The following ULK4 variants were observed in gnomAD, a reference collection of about 807,000 sequenced individuals.
The protein encoded by ULK4 is inactive serine/threonine-protein kinase ULK4.
A neutral mutation model predicts 160.6 loss-of-function variants in ULK4; 133 were observed. The ratio of observed to expected loss-of-function variants is 0.83; its 90% CI spans 0.72 to 0.96. ULK4 has a LOEUF of 0.96. Ranked by LOEUF, ULK4 falls within the 40% of genes least tolerant of loss-of-function variation. The pLI is 0.00. For synonymous variants in ULK4, 534 were observed against 539.8 expected, an observed-to-expected ratio of 0.99 and a Z score of 0.15; for missense variants, 1,580 against 1,499.5, an observed-to-expected ratio of 1.05 and a Z score of -0.89.
At chr3:41,346,179 T>C (rs1043756221) in intron 35 of ULK4, among the ~76,000 whole-genome samples, 5 of 151,924 alleles carry the variant, frequency 3.3e-5, no homozygotes, top group Non-Finnish European at 4.4e-5. Context: ...CAGGGCAGTA[T>C]GGAGCTTTCA....
intron 22 of ULK4, among the ~76,000 whole-genome samples, chr3:41,735,715 T>C (rs964458981): frequency 6.7e-6 from 1 of 150,300 alleles, no homozygotes; most frequent in Non-Finnish European, 1.5e-5. Context: ...ATTATTATTA[T>C]ACTTTAAGTT....
intron 33 of ULK4, among the ~76,000 whole-genome samples, chr3:41,460,502 T>G (rs1019304316): frequency 7.9e-5 from 12 of 152,314 alleles, no homozygotes; most frequent in African/African-American, 2.9e-4. Flanking sequence ...GTAAGCTTCC[T>G]GAGAGCTAAC....
intron 21 of ULK4, among the ~76,000 whole-genome samples, chr3:41,780,566 G>A (rs575931335): frequency 6.6e-6 from 1 of 152,122 alleles, no homozygotes; most frequent in East Asian, 1.9e-4. Flanking sequence ...TCCTGCTGGA[G>A]TCCTTGCAGC....
At chr3:41,869,151 G>C (rs946090835) in intron 17 of ULK4, 1 of 151,720 alleles carries the variant, frequency 6.6e-6, no homozygotes, top group African/African-American at 2.4e-5. Flanking sequence ...TTGTTTTTCA[G>C]GGTTTTTTTT....
chr3:41,309,285 C>T (rs1034942495), intron 35 of ULK4, among the ~76,000 whole-genome samples: 3 of 151,776 alleles, frequency 2.0e-5, no homozygotes, highest in African/African-American at 7.3e-5. Context: ...CATGAAACAT[C>T]TAGAAACACT....
chr3:41,296,603 G>A (rs1273472559), intron 35 of ULK4, among the ~76,000 whole-genome samples: 1 of 152,152 alleles, frequency 6.6e-6, no homozygotes, highest in Non-Finnish European at 1.5e-5. Flanking sequence ...AGAGGCCTTT[G>A]GTGGGAGGTG....
intron 35 of ULK4, among the ~76,000 whole-genome samples, chr3:41,355,399 T>A (rs952293404): frequency 2.0e-5 from 3 of 152,166 alleles, no homozygotes; most frequent in Non-Finnish European, 4.4e-5. Flanking sequence ...TACTTATAGA[T>A]CAATTATTGT....
intron 14 of ULK4, among the ~76,000 whole-genome samples, chr3:41,898,086 A>T (rs1009831979): frequency 1.7e-4 from 26 of 152,110 alleles, no homozygotes; most frequent in African/African-American, 5.8e-4. Flanking sequence ...TGTTGTCCCC[A>T]ACCCTGTGCA....
intron 31 of ULK4, among the ~76,000 whole-genome samples, chr3:41,570,320 T>C (rs1276846350): frequency 2.0e-5 from 3 of 152,232 alleles, no homozygotes; most frequent in Non-Finnish European, 4.4e-5. Flanking sequence ...TTTTAATGTT[T>C]CACTGACACC....
chr3:41,689,933 A>G (rs2036229900), intron 27 of ULK4, among the ~76,000 whole-genome samples: 1 of 148,990 alleles, frequency 6.7e-6, no homozygotes, highest in South Asian at 2.1e-4. Context: ...CAGCCATCCC[A>G]TTACTGGGTA....
At chr3:41,875,930 T>C (rs1170269622) in intron 17 of ULK4, among the ~76,000 whole-genome samples, 1 of 139,582 alleles carries the variant, frequency 7.2e-6, no homozygotes, top group Non-Finnish European at 1.5e-5. Context: ...AGTTCAAATA[T>C]GAAGTACCCA....
intron 30 of ULK4, among the ~76,000 whole-genome samples, chr3:41,661,302 A>G (rs1032545287): frequency 1.3e-5 from 2 of 152,204 alleles, no homozygotes; most frequent in Non-Finnish European, 2.9e-5. Flanking sequence ...TTGATAAGTG[A>G]AAAAGCAAAC....
At chr3:41,617,053 T>C (rs2033010342) in intron 30 of ULK4, among the ~76,000 whole-genome samples, 1 of 152,154 alleles carries the variant, frequency 6.6e-6, no homozygotes, top group Non-Finnish European at 1.5e-5. Flanking sequence ...CTTCTCTAGA[T>C]TCCTCCTCAC....
chr3:41,264,881 C>T (rs566975886), intron 35 of ULK4, among the ~76,000 whole-genome samples: 2 of 152,300 alleles, frequency 1.3e-5, no homozygotes, highest in East Asian at 3.9e-4. Flanking sequence ...GCTGTAATTT[C>T]TGCCCTTAAT....
intron 17 of ULK4, among the ~76,000 whole-genome samples, chr3:41,877,707 C>T (rs935068538): frequency 1.3e-5 from 2 of 151,958 alleles, no homozygotes; most frequent in Non-Finnish European, 2.9e-5. Flanking sequence ...TGGAGCCAGG[C>T]GTGGTGGCTC....
chr3:41,826,625 TGCACC>T (rs2041364979), intron 18 of ULK4, among the ~76,000 whole-genome samples: 1 of 146,932 alleles, frequency 6.8e-6, no homozygotes, highest in African/African-American at 2.7e-5. Context: ...TAAATACATA[TGCACC>T]CAATACAGGA....
At chr3:41,438,302 G>C (rs2083081908) in intron 34 of ULK4, among the ~76,000 whole-genome samples, 1 of 151,870 alleles carries the variant, frequency 6.6e-6, no homozygotes, top group Non-Finnish European at 1.5e-5. Context: ...ACCAGATTTT[G>C]GCACTTAGTA....
intron 19 of ULK4, among the ~76,000 whole-genome samples, chr3:41,812,326 G>A (rs774864136): frequency 2.6e-5 from 4 of 152,046 alleles, no homozygotes; most frequent in Admixed American, 6.6e-5. Flanking sequence ...CAAACCAAGG[G>A]TGAGAGACAT....
At position 41,339,779 on chromosome 3, in the gene ULK4, C is replaced by G. The variant is rs370107669; in HGVS notation, c.3678+58300G>C. 1.6e-4 allele frequency among the ~76,000 whole-genome samples: 25 copies of G among 152,324 alleles called. No individual in the cohort carries two copies. The South Asian group carries it at 5.2e-3, about 32-fold the overall frequency. The stretch of plus-strand genomic sequence containing the variant: ...GAGGAAAAACATCCCTTTCTAAAGA[C>G]AGCAGCTTTGCTTACCAATGTATTT... On this transcript the variant is annotated intron_variant, in intron 35 of 36. Coordinates refer to ENST00000301831, the MANE Select transcript of ULK4 (RefSeq NM_017886.4).
Sources: gnomAD v4.1 joint callset for allele counts (sites outside exome capture counted in the v4.1 genomes callset) on GRCh38, gnomAD v4.1.1 for gene constraint, MANE v1.5 for transcripts, NCBI Gene and HGNC (gene_info 2026-07-23, HGNC 2026-07-21) for gene names.